MMS22L: variants seen among roughly 807,000 people sequenced by gnomAD.
MMS22L encodes MMS22 like, DNA repair protein, also known as protein MMS22-like.
In MMS22L, 74 loss-of-function variants were observed where a neutral mutation model predicts 159.1. The observed-to-expected ratio is 0.47, with a 90% CI of 0.39 to 0.56. The LOEUF (loss-of-function observed/expected upper bound fraction) is 0.56. Ranked by LOEUF, MMS22L falls within the 20% of genes least tolerant of loss-of-function variation. The pLI, the probability that MMS22L is intolerant of heterozygous loss-of-function variation, is 0.00. For missense variants in MMS22L, 1,351 were observed against 1,422.1 expected, an observed-to-expected ratio of 0.95 and a Z score of 0.80; for synonymous variants, 517 against 506.9, an observed-to-expected ratio of 1.02 and a Z score of -0.27.
rs148255425 is a variant in MMS22L at position 97,282,459 on chromosome 6, C to A, written c.19G>T (p.Ala7Ser). The change falls in exon 2 of 25, where the codon GCA becomes TCA. Residue 7 changes from alanine to serine, a missense_variant. Coordinates refer to ENST00000683635, the MANE Select transcript of MMS22L (RefSeq NM_001350599.2). ...AAGCTGTCAGTCAGGAACGTCGATG[C>A]AGCAGAACAGTTCTCCATTGTTTAC... MENCSAASTFLTDSLEL... is the reference protein window; with the variant it reads MENCSASSTFLTDSLEL... The A allele has an allele frequency of 1.9e-6, 3 of 1,612,404 alleles. No homozygotes were observed. Among genetic ancestry groups the A allele is most frequent in the Non-Finnish European group, 1.7e-6 (2 of 1,179,784 alleles).
At chr6:97,246,832 C>T (rs963420088) in intron 10 of MMS22L, 142 bp from the exon 11 acceptor site, 2 of 580,200 alleles carry the variant, frequency 3.4e-6, no homozygotes, top group Admixed American at 7.1e-5. Flanking sequence ...TCTAATATTC[C>T]TTTGGTAAAG....
chr6:97,218,258 CAG>C (rs1286558945), intron 14 of MMS22L, among the ~76,000 whole-genome samples: 19 of 152,144 alleles, frequency 1.2e-4, no homozygotes, highest in African/African-American at 4.6e-4. Flanking sequence ...ACAATAAACA[CAG>C]AGATGAAATT....
chr6:97,170,179 T>C (rs1326216599), intron 19 of MMS22L, among the ~76,000 whole-genome samples: 1 of 152,188 alleles, frequency 6.6e-6, no homozygotes, highest in Non-Finnish European at 1.5e-5. Context: ...GTTTCAGGCA[T>C]CCACTAGTGG....
At chr6:97,158,039 T>C (rs951374233) in intron 22 of MMS22L, among the ~76,000 whole-genome samples, 1 of 152,194 alleles carries the variant, frequency 6.6e-6, no homozygotes, top group African/African-American at 2.4e-5. Flanking sequence ...CTTCCTGGTT[T>C]AGTCTTGGGA....
At chr6:97,194,630 T>C (rs561291586) in intron 14 of MMS22L, among the ~76,000 whole-genome samples, 11 of 152,326 alleles carry the variant, frequency 7.2e-5, no homozygotes, top group South Asian at 2.1e-4. Context: ...TAGCAGTTCA[T>C]AGACTAAGTA....
chr6:97,270,558 G>C (rs1235930967), intron 6 of MMS22L: 2 of 207,268 alleles, frequency 9.6e-6, no homozygotes, highest in Non-Finnish European at 2.0e-5. Context: ...TGTTATACTG[G>C]GTTATCAATA....
chr6:97,264,386 C>A (rs1814846803), intron 8 of MMS22L: 2 of 151,352 alleles, frequency 1.3e-5, no homozygotes, highest in African/African-American at 4.9e-5. Context: ...TAAAAAAATC[C>A]TCAGCAGCCC....
At chr6:97,211,191 G>C (rs1808334363) in intron 14 of MMS22L, among the ~76,000 whole-genome samples, 1 of 151,856 alleles carries the variant, frequency 6.6e-6, no homozygotes, top group African/African-American at 2.4e-5. Context: ...TTGTGTGTGT[G>C]TATATAATTT....
chr6:97,204,092 T>C (rs1266146609), intron 14 of MMS22L, among the ~76,000 whole-genome samples: 1 of 152,172 alleles, frequency 6.6e-6, no homozygotes, highest in African/African-American at 2.4e-5. Flanking sequence ...TAACTGATGC[T>C]CCGAAAAAAT....
chr6:97,170,662 T>G (rs1184395811), intron 19 of MMS22L, among the ~76,000 whole-genome samples: 1 of 151,670 alleles, frequency 6.6e-6, no homozygotes, highest in Non-Finnish European at 1.5e-5. Context: ...TTGGGATCAC[T>G]ACAATATACA....
intron 14 of MMS22L, among the ~76,000 whole-genome samples, chr6:97,201,002 G>A (rs1324296980): frequency 1.3e-5 from 2 of 152,082 alleles, no homozygotes; most frequent in Non-Finnish European, 2.9e-5. Context: ...GGAATAAGAT[G>A]TTTAGATTGA....
chr6:97,167,046 G>T (rs990766132), intron 20 of MMS22L, among the ~76,000 whole-genome samples: 2 of 152,136 alleles, frequency 1.3e-5, no homozygotes, highest in Admixed American at 6.6e-5. Flanking sequence ...TTCCTCCTCA[G>T]CTTCCCTTGT....
intron 15 of MMS22L, among the ~76,000 whole-genome samples, chr6:97,182,884 T>C (rs1490528408): frequency 3.3e-5 from 5 of 152,144 alleles, no homozygotes; most frequent in Admixed American, 6.6e-5. Flanking sequence ...TACTTCCTAG[T>C]TCACCTCCTC....
intron 14 of MMS22L, among the ~76,000 whole-genome samples, chr6:97,224,574 AACTT>A (rs1215809420): frequency 2.0e-5 from 3 of 151,740 alleles, no homozygotes; most frequent in Non-Finnish European, 4.4e-5. Context: ...AAAAAAAAAA[AACTT>A]ACAAAATAAA....
intron 14 of MMS22L, among the ~76,000 whole-genome samples, chr6:97,197,408 A>G (rs1431228528): frequency 6.6e-6 from 1 of 152,146 alleles, no homozygotes; most frequent in South Asian, 2.1e-4. Flanking sequence ...TCAGTCTCCA[A>G]GTTTTCTACT....
intron 14 of MMS22L, among the ~76,000 whole-genome samples, chr6:97,202,520 GACTA>G (rs1562453775): frequency 6.6e-6 from 1 of 152,098 alleles, no homozygotes; most frequent in Non-Finnish European, 1.5e-5. Context: ...CCTTAGCGTT[GACTA>G]ACCTGATTAA....
chr6:97,181,906 A>G lies in MMS22L; in HGVS notation c.2382T>C (p.Asn794=), dbSNP rs1804751209. The G allele has an allele frequency of 6.2e-7, 1 of 1,611,826 alleles. No individual in the cohort carries two copies. The highest frequency in any genetic ancestry group is 8.5e-7 in the Non-Finnish European group (1 of 1,179,090). ...VARYLSHVLQ[N]STLCEALSHS... Reference sequence around the variant, plus strand: ...ATGCCTGAAATAAAAGCACGTACCTATTTTGTAGGACATGACTTAAATATC... The same window carrying G: ...ATGCCTGAAATAAAAGCACGTACCTGTTTTGTAGGACATGACTTAAATATC... Residue 794 remains asparagine (N), a splice_region_variant and synonymous_variant, in exon 16 of 25, where the codon AAT becomes AAC. Transcript: ENST00000683635.
At chr6:97,275,991 G>A (rs1816207055) in intron 4 of MMS22L, among the ~76,000 whole-genome samples, 2 of 152,090 alleles carry the variant, frequency 1.3e-5, no homozygotes, top group African/African-American at 4.8e-5. Flanking sequence ...GCGATGGAGT[G>A]AGACCCTGTC....
At position 97,226,594 on chromosome 6, in the gene MMS22L, C is replaced by G. The variant is rs78734315; in HGVS notation, c.2039+2300G>C. ...GGGTGCACAGAGTGAAACTCCGTCT[C>G]AAAATATATATGTATATATTCTATA... On this transcript the variant is annotated intron_variant, in intron 14 of 24. Coordinates refer to ENST00000683635, the MANE Select transcript of MMS22L (RefSeq NM_001350599.2). Among the ~76,000 whole-genome samples the G allele has an allele frequency of 2.0e-3, 298 of 151,812 alleles. 3 individuals are homozygous for G. Among genetic ancestry groups the G allele is most frequent in the African/African-American group, 7.0e-3 (288 of 41,382 alleles).
Sources: allele counts gnomAD v4.1 joint callset (sites outside exome capture counted in the v4.1 genomes callset), GRCh38; gene constraint gnomAD v4.1.1; transcripts MANE v1.5; gene names NCBI Gene and HGNC (gene_info 2026-07-23, HGNC 2026-07-21).